SLC30A10: variants seen among roughly 807,000 people sequenced by gnomAD.
SLC30A10 encodes the protein calcium/manganese antiporter SLC30A10.
In SLC30A10, 8 loss-of-function variants were observed where a neutral mutation model predicts 21.7. That is an observed-to-expected ratio of 0.37 (90% confidence interval 0.22 to 0.67). The LOEUF (loss-of-function observed/expected upper bound fraction) is 0.67. Ranked by LOEUF, SLC30A10 falls within the 30% of genes least tolerant of loss-of-function variation. The pLI, the probability that SLC30A10 is intolerant of heterozygous loss-of-function variation, is 0.58. For missense variants in SLC30A10, 521 were observed against 642.5 expected (o/e 0.81, Z 2.04); for synonymous variants, 272 against 279.4 (o/e 0.97, Z 0.26).
intron 1 of SLC30A10, among the ~76,000 whole-genome samples, chr1:219,951,929 C>T (rs139682684): frequency 1.2e-3 from 186 of 152,180 alleles, no homozygotes; most frequent in African/African-American, 4.3e-3. Flanking sequence ...CTGGTCTATG[C>T]TCCTTCTGGT....
In SLC30A10 at chr1:219,928,115, C is replaced by A; in HGVS notation, c.326G>T (p.Arg109Leu). The change falls in exon 1 of 4, where the codon CGC (arginine) becomes CTC (leucine). Residue 109 changes from arginine (R) to leucine (L), a missense_variant. Physicochemically the swap from Arg to Leu is moderately radical, Grantham distance 102 (BLOSUM62 -2). Coordinates refer to ENST00000366926, the MANE Select transcript of SLC30A10 (RefSeq NM_018713.3). This position sits in a 1 kb window ranked among gnomAD's most constrained non-coding sequence, Gnocchi z 6.3. ...GAGCACCAGCTCGGGGTCATCGATG[C>A]GCTCGGGCCGGGCCAGGCGCAGCAC... Reference protein sequence around the residue: ...EAVLRLARPERIDDPELVLIV... With the variant: ...EAVLRLARPELIDDPELVLIV... 6.4e-7 allele frequency: 1 copy of A among 1,570,962 alleles called. No homozygotes were observed. The highest frequency in any genetic ancestry group is 2.4e-5 in the East Asian group (1 of 41,732).
chr1:219,927,638 TAAAAAAAAAAAA>T (rs77015523), intron 1 of SLC30A10, among the ~76,000 whole-genome samples, 151 bp downstream of exon 1: 45 of 53,406 alleles, frequency 8.4e-4, no homozygotes, highest in South Asian at 2.7e-3. Context: ...ATGGATTTAT[TAAAAAAAAAAAA>T]AAAAAAAAAA....
chr1:219,932,458 T>C (rs1659982234), upstream of SLC30A10, among the ~76,000 whole-genome samples: 2 of 152,136 alleles, frequency 1.3e-5, no homozygotes, highest in South Asian at 4.1e-4. Context: ...TAAAAGCATC[T>C]GTTTTTGTTT....
At chr1:219,938,735 A>G (rs556536025) in intron 1 of SLC30A10, among the ~76,000 whole-genome samples, 5 of 152,336 alleles carry the variant, frequency 3.3e-5, no homozygotes, top group South Asian at 2.1e-4. Flanking sequence ...GGTATTATTT[A>G]TGTGTCCCTG....
intron 1 of SLC30A10, among the ~76,000 whole-genome samples, chr1:219,949,062 C>A (rs1278198554): frequency 2.0e-5 from 3 of 151,782 alleles, no homozygotes; most frequent in South Asian, 4.2e-4. Context: ...CAATGAGATA[C>A]CATCTCACAC....
chr1:219,926,927 T>G (rs1221039942), intron 2 of SLC30A10, 101 bp downstream of exon 2: 8 of 919,282 alleles, frequency 8.7e-6, no homozygotes, highest in African/African-American at 1.7e-5. Flanking sequence ...TGGCCTACTT[T>G]CAAACACACC....
At chr1:219,916,778 C>T (rs543762729) in intron 3 of SLC30A10, among the ~76,000 whole-genome samples, 15 of 152,232 alleles carry the variant, frequency 9.9e-5, no homozygotes, top group African/African-American at 2.2e-4. Context: ...AACTGCATGA[C>T]GTTAGGCAAT....
intron 1 of SLC30A10, among the ~76,000 whole-genome samples, chr1:219,943,231 G>C (rs1376313205): frequency 6.6e-6 from 1 of 152,100 alleles, no homozygotes; most frequent in Non-Finnish European, 1.5e-5. Context: ...GAAAGTATAA[G>C]TAAAGAACAA....
Position 219,911,559 on chromosome 1 carries a change from T to C in SLC30A10, c.*3890A>G, listed in dbSNP as rs1558247580. On this transcript the variant is annotated 3_prime_UTR_variant, in exon 4 of 4. Transcript: ENST00000366926. Reference sequence around the variant, plus strand: ...GACCAAATGCTTTTTCTTCATTTCATTTACTGTTATAATGACTGATGAGTA... The same window carrying C: ...GACCAAATGCTTTTTCTTCATTTCACTTACTGTTATAATGACTGATGAGTA... Among the ~76,000 whole-genome samples, 1 of 152,144 alleles carries C rather than the reference T, an allele frequency of 6.6e-6. No homozygotes were observed. The highest frequency in any genetic ancestry group is 6.5e-5 in the Admixed American group (1 of 15,272).
intron 2 of SLC30A10, among the ~76,000 whole-genome samples, chr1:219,924,987 C>T (rs6700061): frequency 0.13 from 19,982 of 152,084 alleles, 1,729 homozygotes; most frequent in African/African-American, 0.24. Context: ...TTTCAGCCAC[C>T]GCACTATTCA....
intron 1 of SLC30A10, among the ~76,000 whole-genome samples, chr1:219,944,648 C>T (rs1157530221): frequency 1.3e-5 from 2 of 152,074 alleles, no homozygotes; most frequent in African/African-American, 4.8e-5. Context: ...TTTATTCAAA[C>T]TAGCAAAGTA....
chr1:219,916,068 C>G (rs1295649915), intron 3 of SLC30A10, 120 bp from the exon 4 acceptor site: 2 of 1,279,912 alleles, frequency 1.6e-6, no homozygotes, highest in East Asian at 2.3e-5. Flanking sequence ...TTACTACGAA[C>G]AGCTGGAAGA....
intron 1 of SLC30A10, among the ~76,000 whole-genome samples, chr1:219,945,923 T>C (rs1182742383): frequency 6.6e-6 from 1 of 152,216 alleles, no homozygotes; most frequent in Non-Finnish European, 1.5e-5. Flanking sequence ...CTGAAACTGC[T>C]GAAGGAACTC....
At chr1:219,920,061 AAATGTAATTTGAGGCAGTTG>A (rs1172454703) in intron 2 of SLC30A10, among the ~76,000 whole-genome samples, 3 of 152,152 alleles carry the variant, frequency 2.0e-5, no homozygotes, top group African/African-American at 7.2e-5. Flanking sequence ...TGTGAACACT[AAATGTAATTTGAGGCAGTTG>A]CCTCAAATTT....
At chr1:219,924,996 C>T (rs954873526) in intron 2 of SLC30A10, among the ~76,000 whole-genome samples, 1 of 152,186 alleles carries the variant, frequency 6.6e-6, no homozygotes, top group East Asian at 1.9e-4. Context: ...CCGCACTATT[C>T]ACCTCTATCA....
intron 1 of SLC30A10, among the ~76,000 whole-genome samples, chr1:219,955,231 C>T (rs1304610986): frequency 6.6e-6 from 1 of 152,154 alleles, no homozygotes; most frequent in Non-Finnish European, 1.5e-5. Flanking sequence ...ACAAAGCCAT[C>T]GACCATTGTG....
intron 1 of SLC30A10, among the ~76,000 whole-genome samples, chr1:219,945,767 T>C (rs1204188946): frequency 1.3e-5 from 2 of 152,190 alleles, no homozygotes; most frequent in Admixed American, 1.3e-4. Flanking sequence ...AGTCCACATA[T>C]GGAAATATGA....
chr1:219,916,008 A>G (rs566820695), intron 3 of SLC30A10, 60 bp from the exon 4 acceptor site: 19 of 1,560,942 alleles, frequency 1.2e-5, no homozygotes, highest in Non-Finnish European at 1.6e-5. Flanking sequence ...ACATGGAACT[A>G]CAGGAGGGAT....
chr1:219,937,346 G>C (rs930182145), intron 1 of SLC30A10, among the ~76,000 whole-genome samples: 1 of 151,948 alleles, frequency 6.6e-6, no homozygotes, highest in Non-Finnish European at 1.5e-5. Flanking sequence ...TTCCCTTTTG[G>C]TATGCAAATT....
Sources: allele counts gnomAD v4.1 joint callset (sites outside exome capture counted in the v4.1 genomes callset), GRCh38; gene constraint gnomAD v4.1.1; non-coding constraint Gnocchi (gnomAD v3.1); transcripts MANE v1.5; gene names NCBI Gene and HGNC (gene_info 2026-07-23, HGNC 2026-07-21).